Variants in OTULIN observed in about 807,000 individuals in gnomAD.
OTULIN encodes OTU deubiquitinase with linear linkage specificity.
A neutral mutation model predicts 39.6 loss-of-function variants in OTULIN; 15 were observed. The observed-to-expected ratio is 0.38, with a 90% CI of 0.25 to 0.58. The LOEUF (loss-of-function observed/expected upper bound fraction) is 0.58. Among genes scored for constraint, OTULIN ranks in the 20% least tolerant of loss-of-function variants. The pLI is 0.66. For synonymous variants in OTULIN, 156 were observed against 170.3 expected, an observed-to-expected ratio of 0.92 and a Z score of 0.65; for missense variants, 319 against 445.9, an observed-to-expected ratio of 0.72 and a Z score of 2.56.
downstream of OTULIN, among the ~76,000 whole-genome samples, chr5:14,704,578 A>C (rs900090285): frequency 1.3e-5 from 2 of 152,160 alleles, no homozygotes; most frequent in African/African-American, 4.8e-5. Flanking sequence ...ATGCAGAATA[A>C]AATCTGAAGA....
the OTULIN span, chr5:14,708,434 G>C: frequency 1.3e-5 from 2 of 152,196 alleles, no homozygotes; most frequent in African/African-American, 2.4e-5. Context: ...TCAGCTGAAT[G>C]CCCTACAATG....
chr5:14,680,807 C>T (rs1736229216), intron 3 of OTULIN, among the ~76,000 whole-genome samples: 1 of 152,210 alleles, frequency 6.6e-6, no homozygotes, highest in Non-Finnish European at 1.5e-5. Context: ...GCCTGTAATC[C>T]CTGCACTTTG....
intron 1 of OTULIN, among the ~76,000 whole-genome samples, chr5:14,672,730 C>T (rs1240965726): frequency 6.6e-6 from 1 of 152,188 alleles, no homozygotes; most frequent in African/African-American, 2.4e-5. Context: ...GCCAGGTTTT[C>T]TGACTTGCCT....
chr5:14,667,880 G>C (rs1735889888), intron 1 of OTULIN, among the ~76,000 whole-genome samples: 2 of 152,150 alleles, frequency 1.3e-5, no homozygotes, highest in South Asian at 2.1e-4. Context: ...AGCTCCCTCT[G>C]CTGCTCTCCT....
intron 1 of OTULIN, among the ~76,000 whole-genome samples, chr5:14,672,583 G>A (rs778994550): frequency 6.6e-5 from 10 of 152,138 alleles, no homozygotes; most frequent in Non-Finnish European, 1.5e-4. Flanking sequence ...GCGCTCATGA[G>A]GCAGGAGTAT....
chr5:14,713,864 G>A, the OTULIN span, among the ~76,000 whole-genome samples: 3 of 152,158 alleles, frequency 2.0e-5, no homozygotes, highest in Non-Finnish European at 4.4e-5. The surrounding 1 kb of genome is among the most constrained non-coding windows in gnomAD (Gnocchi z 4.4). Context: ...TCGGCTCCCC[G>A]CCTCCTCACA....
chr5:14,678,635 G>A, intron 2 of OTULIN, 46 bp from the exon 3 acceptor site: 1 of 1,340,536 alleles, frequency 7.5e-7, no homozygotes, highest in Non-Finnish European at 1.0e-6. Context: ...TTCTGATTAT[G>A]CTTTGATTTA....
the OTULIN span, among the ~76,000 whole-genome samples, chr5:14,714,504 A>G: frequency 7.2e-5 from 11 of 152,232 alleles, no homozygotes; most frequent in African/African-American, 2.4e-4. Flanking sequence ...CTCTTGGAGG[A>G]GGAAGTGCTC....
intron 2 of OTULIN, among the ~76,000 whole-genome samples, chr5:14,677,004 C>G (rs866007411): frequency 1.6e-4 from 25 of 152,152 alleles, no homozygotes; most frequent in African/African-American, 6.0e-4. Context: ...ATGTGTGCCA[C>G]AGATAAATAT....
intron 4 of OTULIN, among the ~76,000 whole-genome samples, chr5:14,684,506 G>A (rs909406014): frequency 2.0e-5 from 3 of 152,190 alleles, no homozygotes; most frequent in African/African-American, 7.2e-5. Flanking sequence ...CAGGTGGCCC[G>A]CAGACCCTCC....
the OTULIN span, chr5:14,712,979 G>A: frequency 2.5e-4 from 402 of 1,611,072 alleles, 3 homozygotes; most frequent in South Asian, 4.3e-3. Flanking sequence ...GCACCCTGCA[G>A]ATGAGAACAC....
chr5:14,671,918 T>C (rs1281499280), intron 1 of OTULIN, among the ~76,000 whole-genome samples: 1 of 152,204 alleles, frequency 6.6e-6, no homozygotes, highest in Non-Finnish European at 1.5e-5. Flanking sequence ...AGGTGAATAC[T>C]CTTACTGCCC....
chr5:14,664,844 C>A lies in OTULIN; in HGVS notation c.19C>A (p.Pro7Thr). 1 of 1,215,586 alleles carries A rather than the reference C, an allele frequency of 8.2e-7. No homozygotes were observed. Among genetic ancestry groups the A allele is most frequent in the Non-Finnish European group, 1.0e-6 (1 of 976,290 alleles). The allele number at this position is 1,215,586 out of a possible 1,614,324, so 75.3% of individuals were successfully genotyped here. A position where few individuals can be genotyped will look rare whatever the true frequency, so the allele number is the denominator to read the frequency against. MSRGTM[P>T]QPEAWPGASC... ...CGACCGCATGAGTCGGGGGACTATG[C>A]CCCAGCCCGAAGCGTGGCCAGGCGC... The change falls in exon 1 of 7, where the codon CCC (proline) becomes ACC (threonine). Residue 7 changes from proline to threonine, a missense_variant. Physicochemically the swap from Pro to Thr is conservative, Grantham distance 38. Coordinates refer to ENST00000284274, the MANE Select transcript of OTULIN (RefSeq NM_138348.6).
At chr5:14,716,482 ACT>A in the OTULIN span, among the ~76,000 whole-genome samples, 1 of 151,266 alleles carries the variant, frequency 6.6e-6, no homozygotes, top group African/African-American at 2.5e-5. Flanking sequence ...ACGGAATGAA[ACT>A]CTGTCTCCAA....
At chr5:14,700,824 C>T (rs764836136), downstream of OTULIN, among the ~76,000 whole-genome samples, 6 of 152,036 alleles carry the variant, frequency 3.9e-5, no homozygotes, top group Non-Finnish European at 7.4e-5. Context: ...CTTCTCCTAC[C>T]CCTGGTGAAA....
chr5:14,673,499 C>T, intron 1 of OTULIN, 143 bp from the exon 2 acceptor site: 1 of 491,986 alleles, frequency 2.0e-6, no homozygotes, highest in Non-Finnish European at 3.6e-6. Flanking sequence ...AGATAGAAGA[C>T]TCATATTTTA....
At chr5:14,712,415 G>A in the OTULIN span, among the ~76,000 whole-genome samples, 3 of 152,212 alleles carry the variant, frequency 2.0e-5, no homozygotes, top group East Asian at 1.9e-4. Context: ...GGGCCCTTGC[G>A]CAAGCTCTCG....
At chr5:14,706,621 T>G in the OTULIN span, 11 of 152,226 alleles carry the variant, frequency 7.2e-5, no homozygotes, top group Non-Finnish European at 1.2e-4. Flanking sequence ...ATTTCTCTCA[T>G]TTTGAACATT....
At chr5:14,703,108 G>A (rs1736830918), downstream of OTULIN, among the ~76,000 whole-genome samples, 1 of 152,128 alleles carries the variant, frequency 6.6e-6, no homozygotes, top group African/African-American at 2.4e-5. Context: ...TCACTTGCCT[G>A]AATCACAGCT....
Sources: allele counts gnomAD v4.1 joint callset (sites outside exome capture counted in the v4.1 genomes callset), GRCh38; gene constraint gnomAD v4.1.1; non-coding constraint Gnocchi (gnomAD v3.1); transcripts MANE v1.5; gene names NCBI Gene and HGNC (gene_info 2026-07-23, HGNC 2026-07-21).